The following C19orf47 variants were observed in gnomAD, a reference collection of about 807,000 sequenced individuals.
C19orf47 encodes uncharacterized protein C19orf47.
In C19orf47, 18 loss-of-function variants were observed where a neutral mutation model predicts 32.3. The ratio of observed to expected loss-of-function variants is 0.56; its 90% CI spans 0.39 to 0.83. The LOEUF is 0.83. C19orf47 is among the 40% of genes least tolerant of loss of function. C19orf47 has a pLI of 0.00. For synonymous variants in C19orf47, 202 were observed against 211.1 expected, an observed-to-expected ratio of 0.96 and a Z score of 0.37; for missense variants, 484 against 531.6, an observed-to-expected ratio of 0.91 and a Z score of 0.88.
At position 40,348,311 on chromosome 19, in the gene C19orf47, G is replaced by A. The variant is rs2078371592; in HGVS notation, c.-34+13C>T. 7.5e-7 allele frequency: 1 copy of A among 1,336,776 alleles called. No individual in the cohort carries two copies. Among genetic ancestry groups the A allele is most frequent in the Non-Finnish European group, 9.6e-7 (1 of 1,046,888 alleles). The allele number at this position is 1,336,776 out of a possible 1,614,324, so 82.8% of individuals were successfully genotyped here. A position where few individuals can be genotyped will look rare whatever the true frequency, so the allele number is the denominator to read the frequency against. On this transcript the variant is annotated intron_variant, in intron 1 of 8. Transcript: ENST00000683109. ...AACCGGCCCAGTCCCACCACCCCCGGCCCGCGCCTCACCTGGCCCACCGGG... is the reference window on the plus strand; with the variant it reads ...AACCGGCCCAGTCCCACCACCCCCGACCCGCGCCTCACCTGGCCCACCGGG...
At position 40,322,094 on chromosome 19, in the gene C19orf47, T is replaced by A. The variant is rs1188715075; in HGVS notation, c.946A>T (p.Ile316Phe). 6.2e-7 allele frequency: 1 copy of A among 1,614,202 alleles called. No homozygotes were observed. Among genetic ancestry groups the A allele is most frequent in the South Asian group, 1.1e-5 (1 of 91,090 alleles). ...AGGGCAGCTGCGCCCAGTCTCTTGA[T>A]GATGCTGACTTTAGACAAGGACTCC... Reference protein sequence around the residue: ...KPESLSKVSIIKRLGAAALVP... With the variant: ...KPESLSKVSIFKRLGAAALVP... Residue 316 changes from isoleucine (I) to phenylalanine (F), a missense_variant, in exon 9 of 9, where the codon ATC becomes TTC. Physicochemically the swap from Ile to Phe is conservative, Grantham distance 21. Coordinates refer to ENST00000683109, the MANE Select transcript of C19orf47 (RefSeq NM_001256441.2).
the C19orf47 span, among the ~76,000 whole-genome samples, chr19:40,295,025 CTTTT>C: frequency 1.1e-4 from 17 of 152,230 alleles, no homozygotes; most frequent in South Asian, 3.3e-3. Flanking sequence ...TCTTTGCTTT[CTTTT>C]TTTCTTTTTT....
rs1435023755 is a variant in C19orf47, at chr19:40,320,211, CA to C, written c.*1670del. ...CTGCCTGGACTGCTGCAGTGGCATC[CA>C]CCCCAGCCCTCCCAGCCATTCCTTC... On this transcript the variant is annotated 3_prime_UTR_variant, in exon 9 of 9. Transcript: ENST00000683109. The C allele has an allele frequency of 6.4e-6, 1 of 155,172 alleles. No homozygotes were observed. Among genetic ancestry groups the C allele is most frequent in the Admixed American group, 6.5e-5 (1 of 15,290 alleles). The allele number at this position is 155,172 out of a possible 1,614,324, so 9.6% of individuals were successfully genotyped here. A position where few individuals can be genotyped will look rare whatever the true frequency, so the allele number is the denominator to read the frequency against.
chr19:40,321,386 C>G lies in C19orf47; in HGVS notation c.*496G>C. 5 of 990,138 alleles carry G rather than the reference C, an allele frequency of 5.0e-6. No individual in the cohort carries two copies. Among genetic ancestry groups the G allele is most frequent in the Non-Finnish European group, 4.8e-6 (4 of 832,974 alleles). The allele number at this position is 990,138 out of a possible 1,614,324, so 61.3% of individuals were successfully genotyped here. ...GGACAGAAAACAGAAGAGAAATGAA[C>G]AAAGTGAAGACAGGGAGAGAGAGAA... On this transcript the variant is annotated 3_prime_UTR_variant, in exon 9 of 9. Transcript: ENST00000683109.
At chr19:40,295,232 G>A in the C19orf47 span, among the ~76,000 whole-genome samples, 1 of 152,092 alleles carries the variant, frequency 6.6e-6, no homozygotes. Flanking sequence ...ATGTTGGCCA[G>A]GCTGGTCTTG....
intron 2 of C19orf47, among the ~76,000 whole-genome samples, chr19:40,341,566 G>C (rs561961718): frequency 2.6e-5 from 4 of 152,226 alleles, no homozygotes; most frequent in African/African-American, 7.2e-5. Context: ...TCACAGGTGA[G>C]AAAACCAAGG....
At chr19:40,295,159 T>C in the C19orf47 span, among the ~76,000 whole-genome samples, 1 of 151,854 alleles carries the variant, frequency 6.6e-6, no homozygotes, top group South Asian at 2.1e-4. Flanking sequence ...GTAGCTGGGA[T>C]TACAGGTGCC....
chr19:40,330,563 T>TTC (rs2077932072), intron 5 of C19orf47, among the ~76,000 whole-genome samples: 1 of 146,138 alleles, frequency 6.8e-6, no homozygotes, highest in African/African-American at 2.5e-5. Context: ...TTTTTTTTTT[T>TTC]TGAGACAGGG....
chr19:40,311,996 T>G, the C19orf47 span, among the ~76,000 whole-genome samples: 1 of 152,224 alleles, frequency 6.6e-6, no homozygotes, highest in African/African-American at 2.4e-5. Context: ...TTTATTCATA[T>G]TGATATGTGC....
the C19orf47 span, among the ~76,000 whole-genome samples, chr19:40,309,432 G>T: frequency 6.6e-6 from 1 of 151,972 alleles, no homozygotes; most frequent in Non-Finnish European, 1.5e-5. Context: ...CAGGTGATCT[G>T]CCGGCCTCAG....
chr19:40,344,568 A>C (rs2078237284), intron 1 of C19orf47, among the ~76,000 whole-genome samples: 1 of 152,194 alleles, frequency 6.6e-6, no homozygotes, highest in Non-Finnish European at 1.5e-5. Context: ...AGAACATCTC[A>C]CAAACCAAGC....
chr19:40,332,093 G>A (rs1344535451), intron 5 of C19orf47, among the ~76,000 whole-genome samples: 1 of 152,008 alleles, frequency 6.6e-6, no homozygotes, highest in East Asian at 1.9e-4. Context: ...ATAGCCAGGT[G>A]CAGTGGCTCA....
At chr19:40,322,967 G>A (rs1244945801) in intron 8 of C19orf47, among the ~76,000 whole-genome samples, 1 of 152,214 alleles carries the variant, frequency 6.6e-6, no homozygotes, top group African/African-American at 2.4e-5. Context: ...CTCCTCATCA[G>A]TCCAGAGGAA....
At position 40,321,628 on chromosome 19, in the gene C19orf47, G is replaced by C; in HGVS notation, c.*254C>G. 7.7e-7 allele frequency: 1 copy of C among 1,296,744 alleles called. No individual in the cohort carries two copies. Among genetic ancestry groups the C allele is most frequent in the African/African-American group, 1.5e-5 (1 of 66,466 alleles). The allele number at this position is 1,296,744 out of a possible 1,614,324, so 80.3% of individuals were successfully genotyped here. ...GAGGTAGAAAAGTGGGTTCTGCCAAGGCCACAGCCAGAGAAGAAAGCACAG... is the reference window on the plus strand; with the variant it reads ...GAGGTAGAAAAGTGGGTTCTGCCAACGCCACAGCCAGAGAAGAAAGCACAG... On this transcript the variant is annotated 3_prime_UTR_variant, in exon 9 of 9. Transcript: ENST00000683109.
the C19orf47 span, among the ~76,000 whole-genome samples, chr19:40,301,312 C>CTTTT: frequency 1.3e-4 from 17 of 135,780 alleles, no homozygotes; most frequent in African/African-American, 5.1e-4. Flanking sequence ...CCTTGAGAGG[C>CTTTT]TTTTATTTAT....
chr19:40,301,263 C>T, the C19orf47 span, among the ~76,000 whole-genome samples: 3 of 151,634 alleles, frequency 2.0e-5, no homozygotes, highest in East Asian at 5.8e-4. Flanking sequence ...TATTATAGTG[C>T]CATAGGCATA....
At chr19:40,328,350 A>C (rs2077876493) in intron 6 of C19orf47, 63 bp downstream of exon 6, 1 of 1,592,952 alleles carries the variant, frequency 6.3e-7, no homozygotes, top group African/African-American at 1.4e-5. Context: ...CATGACCCCC[A>C]ACACCTCCTA....
downstream of C19orf47, among the ~76,000 whole-genome samples, chr19:40,317,252 C>T (rs2077668285): frequency 6.6e-6 from 1 of 152,016 alleles, no homozygotes; most frequent in Non-Finnish European, 1.5e-5. Flanking sequence ...GCTGGGAATA[C>T]AGGCATGATC....
intron 1 of C19orf47, among the ~76,000 whole-genome samples, chr19:40,342,916 C>T (rs578242942): frequency 6.6e-6 from 1 of 152,268 alleles, no homozygotes; most frequent in South Asian, 2.1e-4. Context: ...GATCATGAGA[C>T]GTCCCAGAGA....
Sources: gnomAD v4.1 joint callset for allele counts (sites outside exome capture counted in the v4.1 genomes callset) on GRCh38, gnomAD v4.1.1 for gene constraint, MANE v1.5 for transcripts, NCBI Gene and HGNC (gene_info 2026-07-23, HGNC 2026-07-21) for gene names.